Variants in ADARB2 observed in about 807,000 individuals in gnomAD.
The protein encoded by ADARB2 is inactive double-stranded RNA-specific editase B2.
A neutral mutation model predicts 62.2 loss-of-function variants in ADARB2; 25 were observed. The ratio of observed to expected loss-of-function variants is 0.40; its 90% confidence interval spans 0.29 to 0.56. The LOEUF (loss-of-function observed/expected upper bound fraction) is 0.56. ADARB2 is among the 20% of genes least tolerant of loss of function. The pLI is 0.43. For synonymous variants in ADARB2, 572 were observed against 500.8 expected (o/e 1.14, Z -1.90); for missense variants, 1,071 against 1,077.4 (o/e 0.99, Z 0.08).
chr10:1,406,566 T>A (rs542573766), intron 1 of ADARB2, among the ~76,000 whole-genome samples: 60 of 152,272 alleles, frequency 3.9e-4, no homozygotes, highest in African/African-American at 1.4e-3. Context: ...CTCCTATGGG[T>A]TGATGGGTCT....
At chr10:1,486,161 G>C (rs539236368) in intron 1 of ADARB2, among the ~76,000 whole-genome samples, 37 of 151,930 alleles carry the variant, frequency 2.4e-4, no homozygotes, top group Middle Eastern at 3.4e-3. Context: ...CCTCGTTAGA[G>C]GAAAAACACA....
At chr10:1,320,642 G>T (rs1404236517) in intron 3 of ADARB2, among the ~76,000 whole-genome samples, 2 of 152,168 alleles carry the variant, frequency 1.3e-5, no homozygotes, top group South Asian at 2.1e-4. Context: ...GGTAGCTTTG[G>T]TGTTGATTTT....
intron 1 of ADARB2, among the ~76,000 whole-genome samples, chr10:1,727,549 G>C (rs983461824): frequency 1.3e-5 from 2 of 152,120 alleles, no homozygotes; most frequent in Admixed American, 6.5e-5. Context: ...ATTATGTTTT[G>C]ATATTGTAGA....
At chr10:1,300,634 A>G (rs1322739463) in intron 3 of ADARB2, among the ~76,000 whole-genome samples, 1 of 152,242 alleles carries the variant, frequency 6.6e-6, no homozygotes, top group Admixed American at 6.5e-5. Context: ...GAGCATAGCA[A>G]TTGTATCTTC....
chr10:1,283,841 T>C (rs1831390270), intron 3 of ADARB2, among the ~76,000 whole-genome samples: 1 of 152,214 alleles, frequency 6.6e-6, no homozygotes, highest in Admixed American at 6.5e-5. Flanking sequence ...CTGGAAGAGA[T>C]AGTTTATGTG....
At chr10:1,619,862 C>T (rs1833687101) in intron 1 of ADARB2, among the ~76,000 whole-genome samples, 2 of 151,926 alleles carry the variant, frequency 1.3e-5, no homozygotes, top group Non-Finnish European at 2.9e-5. Context: ...TTTTTGACCA[C>T]AATGAAAGTA....
chr10:1,508,321 G>A (rs1384732258), intron 1 of ADARB2, among the ~76,000 whole-genome samples: 1 of 152,346 alleles, frequency 6.6e-6, no homozygotes, highest in South Asian at 2.1e-4. Context: ...GTCAGAGGCT[G>A]CGTCTGGACC....
intron 1 of ADARB2, among the ~76,000 whole-genome samples, chr10:1,564,868 G>A (rs912830715): frequency 6.6e-6 from 1 of 151,330 alleles, no homozygotes; most frequent in African/African-American, 2.4e-5. Flanking sequence ...ACAGCTCTTA[G>A]GGTCAGTGGG....
chr10:1,259,444 C>T (rs1317505681), intron 4 of ADARB2, among the ~76,000 whole-genome samples: 2 of 152,010 alleles, frequency 1.3e-5, no homozygotes, highest in African/African-American at 4.8e-5. Context: ...CAAATAGATG[C>T]AATAAAAAAT....
intron 1 of ADARB2, among the ~76,000 whole-genome samples, chr10:1,521,686 C>T (rs528777638): frequency 3.0e-4 from 45 of 152,324 alleles, no homozygotes; most frequent in African/African-American, 1.1e-3. Context: ...ATGTTTCTTT[C>T]TGTTGATTCC....
chr10:1,603,311 G>C (rs1297454147), intron 1 of ADARB2, among the ~76,000 whole-genome samples: 1 of 152,200 alleles, frequency 6.6e-6, no homozygotes, highest in Non-Finnish European at 1.5e-5. Context: ...GCTCTTCCTG[G>C]TGCCGCATTG....
intron 1 of ADARB2, among the ~76,000 whole-genome samples, chr10:1,615,939 T>A (rs1197627162): frequency 1.3e-5 from 2 of 152,154 alleles, no homozygotes; most frequent in African/African-American, 2.4e-5. Context: ...GACCCCTAAA[T>A]AAGGAGAAAG....
At chr10:1,466,894 A>G (rs1831261088) in intron 1 of ADARB2, among the ~76,000 whole-genome samples, 1 of 152,146 alleles carries the variant, frequency 6.6e-6, no homozygotes, top group Non-Finnish European at 1.5e-5. Flanking sequence ...AAACTGAGAC[A>G]CAGCCCTGCG....
intron 1 of ADARB2, among the ~76,000 whole-genome samples, chr10:1,472,860 G>A (rs1221449106): frequency 6.6e-6 from 1 of 152,178 alleles, no homozygotes; most frequent in African/African-American, 2.4e-5. Context: ...AGGAGTGTCG[G>A]GTGCCATCAG....
intron 1 of ADARB2, among the ~76,000 whole-genome samples, chr10:1,621,384 C>T (rs1448673069): frequency 2.0e-5 from 3 of 151,666 alleles, no homozygotes; most frequent in African/African-American, 4.8e-5. Context: ...AAATAAATAA[C>T]TAGGAATAGT....
intron 3 of ADARB2, among the ~76,000 whole-genome samples, chr10:1,319,626 T>A (rs1372880596): frequency 6.6e-6 from 1 of 152,206 alleles, no homozygotes; most frequent in Admixed American, 6.5e-5. Context: ...AAGAGTCTAT[T>A]CCATGACGAA....
chr10:1,629,886 G>A (rs562505062), intron 1 of ADARB2, among the ~76,000 whole-genome samples: 4 of 152,170 alleles, frequency 2.6e-5, no homozygotes, highest in African/African-American at 7.2e-5. Context: ...GACAGGGAGC[G>A]AGACACAGAG....
At chr10:1,417,171 A>T (rs1832811239) in intron 1 of ADARB2, among the ~76,000 whole-genome samples, 1 of 152,078 alleles carries the variant, frequency 6.6e-6, no homozygotes, top group Non-Finnish European at 1.5e-5. Flanking sequence ...TGTTGACTAG[A>T]TGGGCAGGAA....
intron 1 of ADARB2, among the ~76,000 whole-genome samples, chr10:1,395,553 C>T (rs1045559963): frequency 2.0e-5 from 3 of 152,220 alleles, no homozygotes; most frequent in Non-Finnish European, 2.9e-5. Context: ...TTCTCCCCAG[C>T]GGGGCGTCTG....
Sources: allele counts gnomAD v4.1 joint callset (sites outside exome capture counted in the v4.1 genomes callset), GRCh38; gene constraint gnomAD v4.1.1; transcripts MANE v1.5; gene names NCBI Gene and HGNC (gene_info 2026-07-23, HGNC 2026-07-21).